The following STXBP3 variants were observed in gnomAD, a reference collection of about 807,000 sequenced individuals.
STXBP3 encodes syntaxin-binding protein 3.
Under a neutral mutation model 85.7 loss-of-function variants are expected in STXBP3, and 41 were observed. That is an observed-to-expected ratio of 0.48 (90% CI 0.37 to 0.62). The LOEUF is 0.62. Ranked by LOEUF, STXBP3 falls within the 20% of genes least tolerant of loss-of-function variation. The pLI, the probability that STXBP3 is intolerant of heterozygous loss-of-function variation, is 0.00. For missense variants in STXBP3, 563 were observed against 703.1 expected, an observed-to-expected ratio of 0.80 and a Z score of 2.25; for synonymous variants, 229 against 231.7, an observed-to-expected ratio of 0.99 and a Z score of 0.10.
At chr1:108,766,933 T>A in intron 6 of STXBP3, 1 of 536,156 alleles carries the variant, frequency 1.9e-6, no homozygotes, top group East Asian at 5.1e-5. Flanking sequence ...GGGGAGGACT[T>A]CAGTGGCACT....
chr1:108,748,704 C>T (rs1275727882), intron 1 of STXBP3, among the ~76,000 whole-genome samples: 1 of 152,016 alleles, frequency 6.6e-6, no homozygotes, highest in Non-Finnish European at 1.5e-5. Flanking sequence ...TGGTAACGCA[C>T]ACCTGTGGTC....
At chr1:108,801,566 G>A (rs1229382846) in intron 17 of STXBP3, among the ~76,000 whole-genome samples, 1 of 152,050 alleles carries the variant, frequency 6.6e-6, no homozygotes, top group Non-Finnish European at 1.5e-5. Flanking sequence ...CTTCAAGCCT[G>A]TATGGCTTCC....
At chr1:108,764,208 C>T (rs1662207930) in intron 6 of STXBP3, among the ~76,000 whole-genome samples, 1 of 152,110 alleles carries the variant, frequency 6.6e-6, no homozygotes, top group Admixed American at 6.6e-5. Context: ...CTGCTAAAGA[C>T]ATAATCTCAT....
chr1:108,751,245 C>T (rs1661896251), intron 1 of STXBP3, among the ~76,000 whole-genome samples: 1 of 152,130 alleles, frequency 6.6e-6, no homozygotes, highest in East Asian at 1.9e-4. Flanking sequence ...AGAGTCATTT[C>T]ATTTGCAGAC....
chr1:108,752,815 T>C (rs1661932179), intron 2 of STXBP3, among the ~76,000 whole-genome samples: 1 of 152,216 alleles, frequency 6.6e-6, no homozygotes, highest in African/African-American at 2.4e-5. Context: ...TTAAACAGTG[T>C]CATTCAAAAT....
At chr1:108,755,499 A>G (rs927478990) in intron 3 of STXBP3, among the ~76,000 whole-genome samples, 6 of 151,814 alleles carry the variant, frequency 4.0e-5, no homozygotes, top group Admixed American at 1.3e-4. Flanking sequence ...TTTTTTTTTC[A>G]CTATTAAAGA....
intron 11 of STXBP3, among the ~76,000 whole-genome samples, chr1:108,789,082 T>C (rs1034278051): frequency 6.6e-6 from 1 of 152,054 alleles, no homozygotes. Context: ...TAAAATAAAA[T>C]TCACTGCATA....
In STXBP3 at chr1:108,789,089, C is replaced by T. The variant is rs541340823; in HGVS notation, c.964-4493C>T. On this transcript the variant is annotated intron_variant, in intron 11 of 18. Coordinates refer to ENST00000370008, the MANE Select transcript of STXBP3 (RefSeq NM_007269.4). ...AAAAAAAATAAAATAAAATTCACTG[C>T]ATATGTTATTAATATTTCAAAGAAC... Among the ~76,000 whole-genome samples, 24 of 152,184 alleles carry T rather than the reference C, an allele frequency of 1.6e-4. 1 individual carries two copies. In the South Asian group the frequency reaches 2.9e-3, roughly 18 times the overall value.
At chr1:108,795,779 G>A (rs556027667) in intron 13 of STXBP3, among the ~76,000 whole-genome samples, 38 of 152,140 alleles carry the variant, frequency 2.5e-4, no homozygotes, top group Non-Finnish European at 4.6e-4. Flanking sequence ...ATAAACAATA[G>A]TTTACAAGTG....
rs577664677 is a variant in STXBP3 at position 108,746,704 on chromosome 1, A to T, written c.-34A>T. ...TGCGGCCAAAGTAGGTTGGGAGTGG[A>T]AGGTGGTGGCTGCTGCTCCGCAGTG... On this transcript the variant is annotated 5_prime_UTR_variant, in exon 1 of 19. Coordinates refer to ENST00000370008, the MANE Select transcript of STXBP3 (RefSeq NM_007269.4). The T allele has an allele frequency of 4.5e-6, 7 of 1,547,458 alleles. No individual in the cohort carries two copies.
chr1:108,747,946 A>G (rs1180592195), intron 1 of STXBP3, among the ~76,000 whole-genome samples: 1 of 152,240 alleles, frequency 6.6e-6, no homozygotes, highest in Non-Finnish European at 1.5e-5. Flanking sequence ...AATGGGTAAC[A>G]AATTGTGTTG....
In STXBP3 at chr1:108,772,376, TATG is replaced by T. The variant is rs567231418; in HGVS notation, c.439-286_439-284del. Among the ~76,000 whole-genome samples the T allele has an allele frequency of 9.6e-3, 508 of 52,910 alleles. 167 individuals carry two copies. The highest frequency in any genetic ancestry group is 0.039 in the African/African-American group (482 of 12,384). 34.7% of individuals were successfully genotyped at this position (52,910 alleles called of 152,430 possible). Reference sequence around the variant, plus strand: ...GATATCTGTATCATATATAAATACATATGATATCTGTATATATAAATACATATG... The same window carrying T: ...GATATCTGTATCATATATAAATACATATATCTGTATATATAAATACATATG... On this transcript the variant is annotated intron_variant, in intron 6 of 18. Coordinates refer to ENST00000370008, the MANE Select transcript of STXBP3 (RefSeq NM_007269.4).
At position 108,774,392 on chromosome 1, in the gene STXBP3, TA is replaced by T. The variant is rs1662542714; in HGVS notation, c.593+1578del. ...TAATAAGTATTACTCATTTGTCTTT[TA>T]AAAAGTCCTTTAATTTGAACATTGG... On this transcript the variant is annotated intron_variant, in intron 7 of 18. Transcript: ENST00000370008. 2.0e-5 allele frequency among the ~76,000 whole-genome samples: 3 copies of T among 152,296 alleles called. No individual in the cohort carries two copies. In the South Asian group the frequency reaches 6.2e-4, roughly 32 times the overall value.
chr1:108,804,856 G>T (rs1194503650), intron 17 of STXBP3, among the ~76,000 whole-genome samples: 5 of 152,258 alleles, frequency 3.3e-5, no homozygotes, highest in African/African-American at 1.2e-4. Context: ...AGTACCCAGG[G>T]CTCGGCCCCT....
intron 15 of STXBP3, among the ~76,000 whole-genome samples, chr1:108,797,805 G>A (rs61797346): frequency 0.075 from 11,394 of 151,592 alleles, 494 homozygotes; most frequent in African/African-American, 0.11. Flanking sequence ...GCTCGATCTC[G>A]GCTCACTGCA....
chr1:108,771,681 GATATCTATCTATATATA>G, intron 6 of STXBP3, among the ~76,000 whole-genome samples: 1 of 11,276 alleles, frequency 8.9e-5, no homozygotes, highest in East Asian at 1.2e-3. Flanking sequence ...AAATATATAT[GATATCTATCTATATATA>G]TCATATATAA....
chr1:108,747,855 A>T (rs535243068), intron 1 of STXBP3, among the ~76,000 whole-genome samples: 79 of 152,320 alleles, frequency 5.2e-4, no homozygotes, highest in Non-Finnish European at 1.1e-3. Context: ...TAAGGTTGGC[A>T]TTTGCTTTTT....
At chr1:108,771,406 C>CA (rs1553196377) in intron 6 of STXBP3, among the ~76,000 whole-genome samples, 1 of 15,602 alleles carries the variant, frequency 6.4e-5, no homozygotes, top group African/African-American at 2.6e-4. Context: ...TGATATATAT[C>CA]TATATATATA....
chr1:108,793,193 G>A (rs540757764), intron 11 of STXBP3, among the ~76,000 whole-genome samples: 1 of 75,808 alleles, frequency 1.3e-5, no homozygotes, highest in South Asian at 5.4e-4. Context: ...TGCACCCAGG[G>A]AGATAATTGC....
Sources: allele counts gnomAD v4.1 joint callset (sites outside exome capture counted in the v4.1 genomes callset), GRCh38; gene constraint gnomAD v4.1.1; transcripts MANE v1.5; gene names NCBI Gene and HGNC (gene_info 2026-07-23, HGNC 2026-07-21).